The following SLFN12L variants were observed in gnomAD, a reference collection of about 807,000 sequenced individuals.
The protein encoded by SLFN12L is schlafen family member 12-like.
A neutral mutation model predicts 34.8 loss-of-function variants in SLFN12L; 34 were observed. The observed-to-expected ratio is 0.98, with a 90% CI of 0.74 to 1.30. The LOEUF is 1.30. SLFN12L is among the 50% of genes most tolerant of loss of function. The pLI, the probability that SLFN12L is intolerant of heterozygous loss-of-function variation, is 0.00. For missense variants in SLFN12L, 703 were observed against 696.2 expected, an observed-to-expected ratio of 1.01 and a Z score of -0.11; for synonymous variants, 259 against 247.5, an observed-to-expected ratio of 1.05 and a Z score of -0.44.
At chr17:35,525,189 C>T (rs532817078) in intron 1 of SLFN12L, among the ~76,000 whole-genome samples, 15 of 152,102 alleles carry the variant, frequency 9.9e-5, no homozygotes, top group Non-Finnish European at 1.6e-4. Flanking sequence ...AACAAAGCCT[C>T]CAAGAAATAT....
intron 2 of SLFN12L, among the ~76,000 whole-genome samples, chr17:35,495,053 C>G (rs71381452): frequency 0.065 from 9,895 of 151,990 alleles, 417 homozygotes; most frequent in East Asian, 0.16. Context: ...GGCGCCCCAC[C>G]ACACTGGCTC....
rs1378449644 is a variant in SLFN12L, at chr17:35,530,429, GGGAAGGGAAGGGAAGAAAGAAA to G, written c.-606+7122_-606+7143del. ...AGGAAGGAAGGAAGGAAGGAAGGAA[GGGAAGGGAAGGGAAGAAAGAAA>G]GAAAGAAAGAAAGAAAGAAAGAAAG... On this transcript the variant is annotated intron_variant, in intron 1 of 4. Coordinates refer to ENST00000628453, the MANE Select transcript of SLFN12L (RefSeq NM_001363830.2). 4.5e-3 allele frequency among the ~76,000 whole-genome samples: 40 copies of G among 8,806 alleles called. 4 individuals carry two copies. The highest frequency in any genetic ancestry group is 0.036 in the Middle Eastern group (1 of 28). The allele number at this position is 8,806 out of a possible 152,430, so 5.8% of individuals were successfully genotyped here.
At chr17:35,494,047 G>A (rs1288592223) in intron 2 of SLFN12L, among the ~76,000 whole-genome samples, 1 of 152,134 alleles carries the variant, frequency 6.6e-6, no homozygotes, top group Non-Finnish European at 1.5e-5. Flanking sequence ...GGGATTTGAA[G>A]GAAGATGACT....
chr17:35,496,192 C>A (rs1039815046), intron 2 of SLFN12L, among the ~76,000 whole-genome samples: 1 of 151,932 alleles, frequency 6.6e-6, no homozygotes, highest in Non-Finnish European at 1.5e-5. Flanking sequence ...AGGTTCAGAA[C>A]TATTCCTCAG....
chr17:35,513,017 T>C (rs192172202), intron 2 of SLFN12L, among the ~76,000 whole-genome samples: 208 of 152,166 alleles, frequency 1.4e-3, no homozygotes, highest in African/African-American at 4.8e-3. Context: ...TCCCTCTATC[T>C]ATATCTGGGC....
intron 2 of SLFN12L, among the ~76,000 whole-genome samples, chr17:35,505,933 A>G (rs1915452851): frequency 6.6e-6 from 1 of 152,208 alleles, no homozygotes. Flanking sequence ...ATATCAAGTC[A>G]CAGAGGTAGG....
chr17:35,525,385 G>C (rs941552055), intron 1 of SLFN12L, among the ~76,000 whole-genome samples: 8 of 152,118 alleles, frequency 5.3e-5, no homozygotes, highest in African/African-American at 1.7e-4. Flanking sequence ...CTCGAGAAGA[G>C]CAACCCTAAG....
chr17:35,489,701 G>T (rs1329802775), intron 2 of SLFN12L, among the ~76,000 whole-genome samples: 1 of 152,032 alleles, frequency 6.6e-6, no homozygotes, highest in Non-Finnish European at 1.5e-5. Flanking sequence ...AATGAAAAAA[G>T]GAACATCACA....
In SLFN12L at chr17:35,490,304, A is replaced by G. The variant is rs1324177677; in HGVS notation, c.87-10109T>C. Reference sequence around the variant, plus strand: ...CAAGGGCAAAGGAAGAGCTGCACTAAGAAGTCCAGATACTCCAAAAACTCC... The same window carrying G: ...CAAGGGCAAAGGAAGAGCTGCACTAGGAAGTCCAGATACTCCAAAAACTCC... On this transcript the variant is annotated intron_variant, in intron 2 of 4. Transcript: ENST00000628453. The G allele has an allele frequency of 2.7e-6, 4 of 1,462,786 alleles. No individual in the cohort carries two copies. In the African/African-American group the frequency reaches 5.6e-5, roughly 20 times the overall value. The allele number at this position is 1,462,786 out of a possible 1,614,324, so 90.6% of individuals were successfully genotyped here. A position where few individuals can be genotyped will look rare whatever the true frequency, so the allele number is the denominator to read the frequency against.
chr17:35,532,651 G>T (rs2072423007), intron 1 of SLFN12L, among the ~76,000 whole-genome samples: 1 of 151,978 alleles, frequency 6.6e-6, no homozygotes. Flanking sequence ...TTACACTTTG[G>T]GAGGCCAAGG....
chr17:35,532,053 A>G (rs2072416439), intron 1 of SLFN12L, among the ~76,000 whole-genome samples: 1 of 151,956 alleles, frequency 6.6e-6, no homozygotes, highest in African/African-American at 2.4e-5. Flanking sequence ...TACACAGAAA[A>G]CTCTAGTAGA....
intron 2 of SLFN12L, among the ~76,000 whole-genome samples, chr17:35,483,347 G>T (rs913527219): frequency 1.3e-5 from 2 of 152,056 alleles, no homozygotes; most frequent in African/African-American, 4.8e-5. Flanking sequence ...ATTCTTCCTG[G>T]ACACAGGACA....
chr17:35,464,307 G>C lies in SLFN12L; in HGVS notation c.*10616C>G, dbSNP rs1027096273. ...TTTAGGTTTGGGGGCGCATGTGAAGGCTCATTACACAGGTAAACATGTGTC... is the reference window on the plus strand; with the variant it reads ...TTTAGGTTTGGGGGCGCATGTGAAGCCTCATTACACAGGTAAACATGTGTC... On this transcript the variant is annotated 3_prime_UTR_variant, in exon 5 of 5. Transcript: ENST00000628453. 6.6e-6 allele frequency: 1 copy of C among 152,058 alleles called. No individual in the cohort carries two copies. The highest frequency in any genetic ancestry group is 2.4e-5 in the African/African-American group (1 of 41,386). The allele number at this position is 152,058 out of a possible 1,614,324, so 9.4% of individuals were successfully genotyped here.
rs1418688318 is a variant in SLFN12L, at chr17:35,530,408, AGGAAGGAAGGAAGGAAGGAAGGGAAG to A, written c.-606+7139_-606+7164del. Among the ~76,000 whole-genome samples the A allele has an allele frequency of 2.9e-3, 31 of 10,640 alleles. 5 individuals are homozygous for A. Among genetic ancestry groups the A allele is most frequent in the Admixed American group, 4.6e-3 (3 of 654 alleles). The allele number at this position is 10,640 out of a possible 152,430, so 7.0% of individuals were successfully genotyped here. A position where few individuals can be genotyped will look rare whatever the true frequency, so the allele number is the denominator to read the frequency against. Reference sequence around the variant, plus strand: ...AAGGAAGGAAGGAAGGAAGGAAGGAAGGAAGGAAGGAAGGAAGGAAGGGAAGGGAAGGGAAGAAAGAAAGAAAGAAA... The same window carrying A: ...AAGGAAGGAAGGAAGGAAGGAAGGAAGGAAGGGAAGAAAGAAAGAAAGAAA... On this transcript the variant is annotated intron_variant, in intron 1 of 4. Coordinates refer to ENST00000628453, the MANE Select transcript of SLFN12L (RefSeq NM_001363830.2).
chr17:35,483,299 T>C (rs1352131823), intron 2 of SLFN12L, among the ~76,000 whole-genome samples: 2 of 152,196 alleles, frequency 1.3e-5, no homozygotes, highest in African/African-American at 2.4e-5. Context: ...ATAAAGCTCA[T>C]CTTCGTCTTG....
chr17:35,488,141 G>A (rs1322712709), intron 2 of SLFN12L, among the ~76,000 whole-genome samples: 2 of 152,172 alleles, frequency 1.3e-5, no homozygotes, highest in African/African-American at 4.8e-5. Flanking sequence ...CCCCGGAGGC[G>A]CAGCTTGCAG....
intron 2 of SLFN12L, among the ~76,000 whole-genome samples, chr17:35,518,365 A>G (rs1412685853): frequency 6.6e-6 from 1 of 152,184 alleles, no homozygotes; most frequent in African/African-American, 2.4e-5. Context: ...CACCCTGGCC[A>G]ACACGGTGAA....
chr17:35,494,305 G>A (rs1362721280), intron 2 of SLFN12L, among the ~76,000 whole-genome samples: 1 of 152,020 alleles, frequency 6.6e-6, no homozygotes, highest in Non-Finnish European at 1.5e-5. Context: ...TTCTCTAGCT[G>A]TGATCTTACC....
chr17:35,532,676 G>A (rs892207068), intron 1 of SLFN12L, among the ~76,000 whole-genome samples: 1 of 152,122 alleles, frequency 6.6e-6, no homozygotes, highest in East Asian at 1.9e-4. Flanking sequence ...CATATCACTT[G>A]AGGCCAGGAG....
Sources: allele counts gnomAD v4.1 joint callset (sites outside exome capture counted in the v4.1 genomes callset), GRCh38; gene constraint gnomAD v4.1.1; transcripts MANE v1.5; gene names NCBI Gene and HGNC (gene_info 2026-07-23, HGNC 2026-07-21).